Variants in LGR6 observed in about 807,000 individuals in gnomAD.
LGR6 encodes leucine rich repeat containing G protein-coupled receptor 6.
Under a neutral mutation model 69.4 loss-of-function variants are expected in LGR6, and 45 were observed. That is an observed-to-expected ratio of 0.65 (90% confidence interval 0.51 to 0.83). The LOEUF (loss-of-function observed/expected upper bound fraction) is 0.83. Among genes scored for constraint, LGR6 ranks in the 40% least tolerant of loss-of-function variants. The pLI is 0.00. For synonymous variants in LGR6, 538 were observed against 555.0 expected (o/e 0.97, Z 0.43); for missense variants, 1,108 against 1,246.7 (o/e 0.89, Z 1.68).
intron 2 of LGR6, 93 bp from the exon 3 acceptor site, chr1:202,227,843 C>A (rs1660680678): frequency 2.4e-6 from 2 of 835,126 alleles, no homozygotes; most frequent in Middle Eastern, 2.2e-4. Flanking sequence ...TACCACCGCC[C>A]TCCCTTCCCG....
chr1:202,204,709 A>G (rs867268669), intron 1 of LGR6, among the ~76,000 whole-genome samples: 2 of 107,558 alleles, frequency 1.9e-5, no homozygotes. Context: ...ACACACACAC[A>G]CCTAACACAC....
At chr1:202,278,029 A>T (rs910516895) in intron 5 of LGR6, among the ~76,000 whole-genome samples, 1 of 152,148 alleles carries the variant, frequency 6.6e-6, no homozygotes, top group Admixed American at 6.5e-5. Flanking sequence ...GAAGCTGGAA[A>T]GGTGCATGTC....
chr1:202,248,315 G>A (rs369416574), intron 4 of LGR6, among the ~76,000 whole-genome samples: 5 of 152,208 alleles, frequency 3.3e-5, no homozygotes, highest in Non-Finnish European at 7.3e-5. Flanking sequence ...CAGTGGCAGC[G>A]CTGCAGCTAG....
intron 3 of LGR6, among the ~76,000 whole-genome samples, chr1:202,230,280 C>G (rs1660913087): frequency 6.6e-6 from 1 of 151,842 alleles, no homozygotes; most frequent in South Asian, 2.1e-4. Context: ...CCCATCCCTG[C>G]CCGATCTGGA....
At chr1:202,201,336 C>T (rs1658828575) in intron 1 of LGR6, among the ~76,000 whole-genome samples, 1 of 152,196 alleles carries the variant, frequency 6.6e-6, no homozygotes, top group Admixed American at 6.5e-5. Flanking sequence ...TCCACCATCA[C>T]CCTGATGTCT....
At position 202,222,969 on chromosome 1, in the gene LGR6, C is replaced by T. The variant is rs111819982; in HGVS notation, c.213-2454C>T. 3.5e-3 allele frequency among the ~76,000 whole-genome samples: 527 copies of T among 152,286 alleles called. 8 individuals are homozygous for T. Among genetic ancestry groups the T allele is most frequent in the African/African-American group, 0.012 (505 of 41,562 alleles). On this transcript the variant is annotated intron_variant, in intron 1 of 17. Coordinates refer to ENST00000367278, the MANE Select transcript of LGR6 (RefSeq NM_001017403.2). ...ATACAAAAATAGCCAGGCGTGGTGG[C>T]AGGTGCCCATAATCCCAGCTACTCA... is the stretch of plus-strand genomic sequence containing the variant.
intron 6 of LGR6, among the ~76,000 whole-genome samples, chr1:202,285,991 C>CT (rs369952399): frequency 2.3e-4 from 35 of 152,324 alleles, no homozygotes; most frequent in African/African-American, 7.9e-4. Context: ...ATCTCTTACT[C>CT]TATCTTCACG....
At chr1:202,309,009 A>G (rs745905353) in intron 14 of LGR6, 42 bp from the exon 15 acceptor site, 28 of 1,610,442 alleles carry the variant, frequency 1.7e-5, no homozygotes, top group East Asian at 1.3e-4. Context: ...CCCCTCAGCA[A>G]TCCCACTGAC....
At chr1:202,312,905 T>A (rs1459288020) in intron 16 of LGR6, among the ~76,000 whole-genome samples, 1 of 151,992 alleles carries the variant, frequency 6.6e-6, no homozygotes, top group East Asian at 1.9e-4. Context: ...AGGCCCTAGT[T>A]TGAGAAACAC....
At chr1:202,255,134 C>T (rs1053883931) in intron 4 of LGR6, among the ~76,000 whole-genome samples, 7 of 152,118 alleles carry the variant, frequency 4.6e-5, no homozygotes, top group African/African-American at 1.4e-4. Flanking sequence ...CAGAGAGGGC[C>T]GTGACTTTTG....
At chr1:202,226,338 C>A (rs1214962238) in intron 2 of LGR6, among the ~76,000 whole-genome samples, 1 of 152,190 alleles carries the variant, frequency 6.6e-6, no homozygotes, top group Non-Finnish European at 1.5e-5. Context: ...TTAAACTTCT[C>A]AAACTGAGTG....
chr1:202,263,194 C>T (rs921624087), intron 4 of LGR6, among the ~76,000 whole-genome samples: 5 of 152,062 alleles, frequency 3.3e-5, no homozygotes, highest in African/African-American at 9.7e-5. Flanking sequence ...ACGATCTTGG[C>T]GCACTGCAAC....
At chr1:202,247,394 G>A (rs1213043045) in intron 4 of LGR6, among the ~76,000 whole-genome samples, 3 of 152,180 alleles carry the variant, frequency 2.0e-5, no homozygotes, top group East Asian at 1.9e-4. Context: ...GACATTCTGC[G>A]CCCTCTCCCA....
chr1:202,206,301 T>C (rs1269753869), intron 1 of LGR6, among the ~76,000 whole-genome samples: 2 of 152,216 alleles, frequency 1.3e-5, no homozygotes, highest in African/African-American at 2.4e-5. Context: ...CGACAGGACC[T>C]GGGCTCCCAC....
intron 1 of LGR6, among the ~76,000 whole-genome samples, chr1:202,211,434 A>G (rs1659458833): frequency 6.6e-6 from 1 of 152,056 alleles, no homozygotes; most frequent in African/African-American, 2.4e-5. Flanking sequence ...GTTCACTGCA[A>G]CCTCTGCCTC....
chr1:202,206,932 T>G (rs190793220), intron 1 of LGR6, among the ~76,000 whole-genome samples: 78 of 119,238 alleles, frequency 6.5e-4, no homozygotes, highest in African/African-American at 1.9e-3. Context: ...TTTATTTATT[T>G]ATTGAGACAG....
intron 4 of LGR6, among the ~76,000 whole-genome samples, chr1:202,241,442 C>T (rs1662193018): frequency 1.3e-5 from 2 of 152,174 alleles, no homozygotes; most frequent in African/African-American, 4.8e-5. Flanking sequence ...ATTCTAGGCC[C>T]AGGGACCCAG....
At chr1:202,205,683 ACCT>A (rs1659183661) in intron 1 of LGR6, among the ~76,000 whole-genome samples, 1 of 130,714 alleles carries the variant, frequency 7.7e-6, no homozygotes, top group Non-Finnish European at 1.6e-5. Flanking sequence ...ATACACACAC[ACCT>A]CCTTCAAACA....
intron 4 of LGR6, among the ~76,000 whole-genome samples, chr1:202,249,739 T>A (rs1378479529): frequency 6.6e-6 from 1 of 152,192 alleles, no homozygotes. Context: ...GTACATCCTG[T>A]TCGCTCTGGA....
Sources: gnomAD v4.1 joint callset for allele counts (sites outside exome capture counted in the v4.1 genomes callset) on GRCh38, gnomAD v4.1.1 for gene constraint, MANE v1.5 for transcripts, NCBI Gene and HGNC (gene_info 2026-07-23, HGNC 2026-07-21) for gene names.